The following DCDC2 variants were observed in gnomAD, a reference collection of about 807,000 sequenced individuals.
DCDC2 encodes doublecortin domain-containing protein 2.
In DCDC2, 40 loss-of-function variants were observed where a neutral mutation model predicts 50.2. That is an observed-to-expected ratio of 0.80 (90% CI 0.62 to 1.04). The LOEUF (loss-of-function observed/expected upper bound fraction) is 1.04. Ranked by LOEUF, DCDC2 falls within the 50% of genes least tolerant of loss-of-function variation. The pLI is 0.00. For missense variants in DCDC2, 570 were observed against 581.9 expected, an observed-to-expected ratio of 0.98 and a Z score of 0.21; for synonymous variants, 234 against 210.6, an observed-to-expected ratio of 1.11 and a Z score of -0.96.
chr6:24,254,617 A>AT (rs780611506), intron 7 of DCDC2, among the ~76,000 whole-genome samples: 1 of 152,066 alleles, frequency 6.6e-6, no homozygotes, highest in Non-Finnish European at 1.5e-5. Context: ...TTTATTTATA[A>AT]TTTTTTTACA....
intron 7 of DCDC2, 112 bp from the exon 8 acceptor site, chr6:24,205,214 T>C: frequency 1.9e-6 from 3 of 1,611,474 alleles, no homozygotes; most frequent in Non-Finnish European, 2.5e-6. Context: ...ATTCCCTTTT[T>C]AGTTGATAGT....
chr6:24,231,106 G>C (rs1217633500), intron 7 of DCDC2, among the ~76,000 whole-genome samples: 1 of 152,246 alleles, frequency 6.6e-6, no homozygotes, highest in Non-Finnish European at 1.5e-5. Flanking sequence ...TCCAAATGCA[G>C]AAATGGGAGC....
chr6:24,213,121 C>T (rs1394704757), intron 7 of DCDC2, among the ~76,000 whole-genome samples: 3 of 152,060 alleles, frequency 2.0e-5, no homozygotes, highest in African/African-American at 7.2e-5. Context: ...TGCTTTCTCA[C>T]CAAAATTACT....
At position 24,215,011 on chromosome 6, in the gene DCDC2, C is replaced by T. The variant is rs550523370; in HGVS notation, c.923-9909G>A. ...TGAACAAGGCACTGACCTCAGGATA[C>T]GTATTATCTACCGGGGGGTCACATG... On this transcript the variant is annotated intron_variant, in intron 7 of 9. Transcript: ENST00000378454. 2.6e-5 allele frequency among the ~76,000 whole-genome samples: 4 copies of T among 152,186 alleles called. No homozygotes were observed. The East Asian group carries it at 7.7e-4, about 29-fold the overall frequency.
At chr6:24,246,950 C>T (rs1265837684) in intron 7 of DCDC2, among the ~76,000 whole-genome samples, 1 of 152,136 alleles carries the variant, frequency 6.6e-6, no homozygotes, top group Non-Finnish European at 1.5e-5. Flanking sequence ...GTCCCATTTT[C>T]TCACTACTTT....
Position 24,220,879 on chromosome 6 carries a change from A to AGAGC in DCDC2, c.923-15781_923-15778dup, listed in dbSNP as rs111880904. Among the ~76,000 whole-genome samples, 5 of 107,030 alleles carry AGAGC rather than the reference A, an allele frequency of 4.7e-5. 1 individual carries two copies. The South Asian group carries it at 1.3e-3, about 27-fold the overall frequency. The allele number at this position is 107,030 out of a possible 152,430, so 70.2% of individuals were successfully genotyped here. On this transcript the variant is annotated intron_variant, in intron 7 of 9. Coordinates refer to ENST00000378454, the MANE Select transcript of DCDC2 (RefSeq NM_016356.5). ...GAGAGAGACAGAGAGCAAGAGAGCG[A>AGAGC]GAGCGAGAGAGTGAGCGAGCGAGCG...
chr6:24,253,267 GCATAA>G (rs1762828703), intron 7 of DCDC2, among the ~76,000 whole-genome samples: 1 of 151,954 alleles, frequency 6.6e-6, no homozygotes, highest in Non-Finnish European at 1.5e-5. Context: ...AAAAAAGAAA[GCATAA>G]AATACTAATG....
At chr6:24,258,485 A>G (rs1762941679) in intron 7 of DCDC2, among the ~76,000 whole-genome samples, 1 of 152,118 alleles carries the variant, frequency 6.6e-6, no homozygotes, top group Non-Finnish European at 1.5e-5. Context: ...AATCCTAGCT[A>G]CAGAGTGCTG....
chr6:24,252,127 T>C (rs896857105), intron 7 of DCDC2, among the ~76,000 whole-genome samples: 7 of 152,264 alleles, frequency 4.6e-5, no homozygotes, highest in African/African-American at 1.7e-4. Flanking sequence ...TGGATTTTTA[T>C]TCTGGCAAAT....
chr6:24,252,208 A>T (rs1167636630), intron 7 of DCDC2, among the ~76,000 whole-genome samples: 1 of 152,204 alleles, frequency 6.6e-6, no homozygotes, highest in Non-Finnish European at 1.5e-5. Context: ...GCCCATAGTG[A>T]CTGTCCCTTC....
At chr6:24,179,878 CG>C (rs1169281051) in intron 8 of DCDC2, among the ~76,000 whole-genome samples, 1 of 129,232 alleles carries the variant, frequency 7.7e-6, no homozygotes, top group Non-Finnish European at 1.6e-5. Context: ...TGCATGAACC[CG>C]GGAGGCAGAG....
intron 7 of DCDC2, among the ~76,000 whole-genome samples, chr6:24,247,366 C>A (rs1762702336): frequency 6.6e-6 from 1 of 151,374 alleles, no homozygotes; most frequent in Non-Finnish European, 1.5e-5. Context: ...CAGCAAATAC[C>A]CATAACTTGG....
At chr6:24,180,055 C>T (rs945482294) in intron 8 of DCDC2, among the ~76,000 whole-genome samples, 2 of 151,812 alleles carry the variant, frequency 1.3e-5, no homozygotes, top group South Asian at 4.2e-4. Flanking sequence ...TGACCAGGCA[C>T]TTACTGGCTG....
At chr6:24,259,427 G>C (rs1025896929) in intron 7 of DCDC2, among the ~76,000 whole-genome samples, 2 of 152,074 alleles carry the variant, frequency 1.3e-5, no homozygotes, top group East Asian at 3.9e-4. Context: ...TTTTAGAAGA[G>C]TGCATGGCCA....
At chr6:24,206,792 C>G (rs1366594053) in intron 7 of DCDC2, among the ~76,000 whole-genome samples, 1 of 152,158 alleles carries the variant, frequency 6.6e-6, no homozygotes, top group Non-Finnish European at 1.5e-5. Flanking sequence ...AGGATATAAA[C>G]AGCAAAGAGA....
Position 24,357,898 on chromosome 6 carries a change from C to T in DCDC2, c.-148G>A, listed in dbSNP as rs771891545. ...TCCACAGGTGAAAGAGAAGTAACGG[C>T]CGTGCGCCTAGGCGTCCACCCAGAG... On this transcript the variant is annotated 5_prime_UTR_variant, in exon 1 of 10. Coordinates refer to ENST00000378454, the MANE Select transcript of DCDC2 (RefSeq NM_016356.5). 7.1e-5 allele frequency: 110 copies of T among 1,541,540 alleles called. No individual in the cohort carries two copies. The highest frequency in any genetic ancestry group is 9.3e-5 in the Non-Finnish European group (106 of 1,144,252).
chr6:24,228,852 G>A (rs191677300), intron 7 of DCDC2, among the ~76,000 whole-genome samples: 46 of 152,266 alleles, frequency 3.0e-4, no homozygotes, highest in African/African-American at 9.4e-4. Context: ...GAGAGGAGAG[G>A]TGGGAGTCAT....
intron 6 of DCDC2, among the ~76,000 whole-genome samples, chr6:24,282,000 A>G (rs966204626): frequency 6.6e-6 from 1 of 152,190 alleles, no homozygotes; most frequent in African/African-American, 2.4e-5. Flanking sequence ...TGGTTCCCTA[A>G]AACAGCCATC....
At chr6:24,360,992 C>G (rs976133005), upstream of DCDC2, among the ~76,000 whole-genome samples, 1 of 152,172 alleles carries the variant, frequency 6.6e-6, no homozygotes, top group Non-Finnish European at 1.5e-5. Flanking sequence ...AAACCCAGTT[C>G]TGTCTTATTC....
Sources: allele counts gnomAD v4.1 joint callset (sites outside exome capture counted in the v4.1 genomes callset), GRCh38; gene constraint gnomAD v4.1.1; transcripts MANE v1.5; gene names NCBI Gene and HGNC (gene_info 2026-07-23, HGNC 2026-07-21).